PDE1A: variants seen among roughly 807,000 people sequenced by gnomAD.
PDE1A encodes the protein phosphodiesterase 1A.
PDE1A carries 35 observed loss-of-function variants against 61.7 expected under a neutral mutation model. The ratio of observed to expected loss-of-function variants is 0.57; its 90% confidence interval spans 0.43 to 0.75. The LOEUF is 0.75. Ranked by LOEUF, PDE1A falls within the 30% of genes least tolerant of loss-of-function variation. PDE1A has a pLI of 0.00. For synonymous variants in PDE1A, 232 were observed against 213.2 expected, an observed-to-expected ratio of 1.09 and a Z score of -0.77; for missense variants, 597 against 630.6, an observed-to-expected ratio of 0.95 and a Z score of 0.57.
rs142054818 is a variant in PDE1A, at chr2:182,423,814, T to C, written c.53+2764A>G. Among the ~76,000 whole-genome samples the C allele has an allele frequency of 3.7e-3, 555 of 152,020 alleles. 1 individual carries two copies. The highest frequency in any genetic ancestry group is 5.6e-3 in the Non-Finnish European group (382 of 67,994). On this transcript the variant is annotated intron_variant, in intron 1 of 13. Transcript: ENST00000351439. ...CCATGAACTCAGAAGTGGACACTTGTAGTCAATCAGTGAAGGCCAGGTGAC... is the reference window on the plus strand; with the variant it reads ...CCATGAACTCAGAAGTGGACACTTGCAGTCAATCAGTGAAGGCCAGGTGAC...
intron 2 of PDE1A, among the ~76,000 whole-genome samples, chr2:182,521,434 T>A (rs1352044197): frequency 6.6e-6 from 1 of 152,110 alleles, no homozygotes; most frequent in African/African-American, 2.4e-5. Context: ...AAAATTCATA[T>A]TCATATTTCT....
the PDE1A span, among the ~76,000 whole-genome samples, chr2:182,690,091 T>G: frequency 6.6e-6 from 1 of 152,202 alleles, no homozygotes; most frequent in Non-Finnish European, 1.5e-5. Context: ...AGCCGAATTC[T>G]ACCAGAGGTA....
At chr2:182,548,066 TA>T in the PDE1A span, among the ~76,000 whole-genome samples, 1 of 152,172 alleles carries the variant, frequency 6.6e-6, no homozygotes, top group African/African-American at 2.4e-5. Flanking sequence ...AAGTTTAAAA[TA>T]AACATCTCCT....
chr2:182,489,215 G>A (rs7578703), intron 2 of PDE1A, among the ~76,000 whole-genome samples: 62,464 of 151,980 alleles, frequency 0.41, 13,328 homozygotes, highest in African/African-American at 0.51. Context: ...TAGGGCCTGA[G>A]CATGCCTCAA....
intron 13 of PDE1A, among the ~76,000 whole-genome samples, chr2:182,171,228 T>G (rs1692185905): frequency 6.6e-6 from 1 of 152,018 alleles, no homozygotes; most frequent in Non-Finnish European, 1.5e-5. Context: ...GTACAGTGAT[T>G]AACATTTTGA....
the PDE1A span, among the ~76,000 whole-genome samples, chr2:182,596,322 C>T: frequency 2.6e-5 from 4 of 152,030 alleles, no homozygotes; most frequent in Non-Finnish European, 2.9e-5. Flanking sequence ...CCGAAGAGCA[C>T]AGAGTGATCA....
At chr2:182,523,645 A>G (rs1198186692), upstream of PDE1A, among the ~76,000 whole-genome samples, 1 of 152,196 alleles carries the variant, frequency 6.6e-6, no homozygotes, top group Admixed American at 6.5e-5. Flanking sequence ...AACATCCAAT[A>G]TTTGTTGAAT....
intron 2 of PDE1A, among the ~76,000 whole-genome samples, chr2:182,247,792 A>G (rs1298920394): frequency 6.6e-6 from 1 of 152,252 alleles, no homozygotes; most frequent in Admixed American, 6.5e-5. Context: ...CACATGTAAA[A>G]CATATATTTT....
intron 1 of PDE1A, among the ~76,000 whole-genome samples, chr2:182,288,708 C>T (rs1012146965): frequency 6.6e-6 from 1 of 151,980 alleles, no homozygotes; most frequent in Non-Finnish European, 1.5e-5. Flanking sequence ...GACGTGTTAT[C>T]CAAAAGGAGC....
chr2:182,670,533 A>C, the PDE1A span, among the ~76,000 whole-genome samples: 1 of 152,204 alleles, frequency 6.6e-6, no homozygotes, highest in African/African-American at 2.4e-5. Context: ...GGCCTAGGGC[A>C]ATGATGCATC....
At chr2:182,368,561 G>C (rs1232378081) in intron 1 of PDE1A, among the ~76,000 whole-genome samples, 2 of 151,682 alleles carry the variant, frequency 1.3e-5, no homozygotes, top group African/African-American at 4.8e-5. Context: ...CAATGGGGCT[G>C]AGAGAGATTA....
At chr2:182,540,166 C>G in the PDE1A span, among the ~76,000 whole-genome samples, 3 of 151,856 alleles carry the variant, frequency 2.0e-5, no homozygotes, top group African/African-American at 7.3e-5. Context: ...GAGTTCGAAC[C>G]CAGCCTGGCC....
At chr2:182,305,695 T>C (rs544422816) in intron 1 of PDE1A, among the ~76,000 whole-genome samples, 1 of 142,476 alleles carries the variant, frequency 7.0e-6, no homozygotes, top group African/African-American at 2.6e-5. Flanking sequence ...AAAAGTGATG[T>C]ATTTATTACT....
chr2:182,589,890 T>C, the PDE1A span, among the ~76,000 whole-genome samples: 1 of 152,206 alleles, frequency 6.6e-6, no homozygotes, highest in African/African-American at 2.4e-5. Flanking sequence ...GGATAACATA[T>C]ACTTACTAGT....
At chr2:182,635,810 T>A in the PDE1A span, among the ~76,000 whole-genome samples, 1 of 151,992 alleles carries the variant, frequency 6.6e-6, no homozygotes, top group African/African-American at 2.4e-5. Context: ...CAAATAAAAA[T>A]TGTACATATT....
the PDE1A span, among the ~76,000 whole-genome samples, chr2:182,564,046 C>A: frequency 6.6e-6 from 1 of 152,158 alleles, no homozygotes; most frequent in Non-Finnish European, 1.5e-5. Flanking sequence ...AGCATTTAGT[C>A]CATTTACATT....
chr2:182,438,912 G>T (rs1684614507), intron 2 of PDE1A, among the ~76,000 whole-genome samples: 1 of 151,884 alleles, frequency 6.6e-6, no homozygotes, highest in Non-Finnish European at 1.5e-5. Flanking sequence ...TACAAGTATG[G>T]GTATAGGGAT....
chr2:182,333,198 G>A (rs190371378), intron 1 of PDE1A, among the ~76,000 whole-genome samples: 63 of 152,014 alleles, frequency 4.1e-4, no homozygotes, highest in Middle Eastern at 3.4e-3. Flanking sequence ...AAGGACATTC[G>A]GGACTTGAAC....
the PDE1A span, among the ~76,000 whole-genome samples, chr2:182,543,885 C>T: frequency 6.6e-6 from 1 of 152,118 alleles, no homozygotes; most frequent in Non-Finnish European, 1.5e-5. Flanking sequence ...TTATGAAGCA[C>T]CATATGGGCT....
Sources: gnomAD v4.1 joint callset for allele counts (sites outside exome capture counted in the v4.1 genomes callset) on GRCh38, gnomAD v4.1.1 for gene constraint, MANE v1.5 for transcripts, NCBI Gene and HGNC (gene_info 2026-07-23, HGNC 2026-07-21) for gene names.